Variants in VAT1L observed in about 807,000 individuals in gnomAD.
VAT1L encodes vesicle amine transport 1 like.
A neutral mutation model predicts 44.1 loss-of-function variants in VAT1L; 34 were observed. The observed-to-expected ratio is 0.77, with a 90% CI of 0.59 to 1.03. VAT1L has a LOEUF of 1.03. Among genes scored for constraint, VAT1L ranks in the 50% least tolerant of loss-of-function variants. VAT1L has a pLI of 0.00. For synonymous variants in VAT1L, 253 were observed against 202.2 expected (o/e 1.25, Z -2.13); for missense variants, 615 against 538.8 (o/e 1.14, Z -1.40).
At chr16:77,797,413 TTTTC>T (rs1348342029) in intron 1 of VAT1L, among the ~76,000 whole-genome samples, 2 of 152,024 alleles carry the variant, frequency 1.3e-5, no homozygotes, top group Non-Finnish European at 2.9e-5. Flanking sequence ...GCCCAGCAAT[TTTTC>T]TTTTTTTAGG....
rs189321376 is a variant in VAT1L, at chr16:77,876,762, T to G, written c.826+289T>G. On this transcript the variant is annotated intron_variant, in intron 5 of 8. Coordinates refer to ENST00000302536, the MANE Select transcript of VAT1L (RefSeq NM_020927.3). ...ACTAAGGGACATCACCCACAGAAGG[T>G]AGCACAGGTGGAAAATATGAATGAC... is the stretch of plus-strand genomic sequence containing the variant. Among the ~76,000 whole-genome samples, 189 of 152,202 alleles carry G rather than the reference T, an allele frequency of 1.2e-3. 1 individual carries two copies. Among genetic ancestry groups the G allele is most frequent in the African/African-American group, 4.4e-3 (181 of 41,534 alleles).
chr16:77,841,895 C>CTT (rs200350907), intron 3 of VAT1L, among the ~76,000 whole-genome samples: 24 of 148,510 alleles, frequency 1.6e-4, no homozygotes, highest in Non-Finnish European at 2.7e-4. Flanking sequence ...TTTTCTTTTT[C>CTT]TTTTTTTTTT....
rs12933147 is a variant in VAT1L at position 77,828,671 on chromosome 16, T to A, written c.579+3210T>A. Among the ~76,000 whole-genome samples the A allele has an allele frequency of 2.4e-3, 354 of 149,702 alleles. 2 individuals carry two copies. The highest frequency in any genetic ancestry group is 4.1e-3 in the Non-Finnish European group (274 of 67,328). ...AGAGCAAAACTCCATCTCAAAAAAA[T>A]AAAAAAATAAAAATAAAAAAGGTGG... On this transcript the variant is annotated intron_variant, in intron 3 of 8. Coordinates refer to ENST00000302536, the MANE Select transcript of VAT1L (RefSeq NM_020927.3).
At chr16:77,836,415 A>G (rs557588899) in intron 3 of VAT1L, among the ~76,000 whole-genome samples, 1 of 152,278 alleles carries the variant, frequency 6.6e-6, no homozygotes, top group African/African-American at 2.4e-5. Flanking sequence ...TGGCTTTATC[A>G]TGTCTTTCAT....
intron 7 of VAT1L, among the ~76,000 whole-genome samples, chr16:77,952,962 G>A (rs553651792): frequency 1.3e-5 from 2 of 151,156 alleles, no homozygotes; most frequent in South Asian, 2.1e-4. Flanking sequence ...ATTTGGAAAC[G>A]GGGTTGTTGC....
chr16:77,793,156 A>C (rs117764659), intron 1 of VAT1L, among the ~76,000 whole-genome samples: 8 of 152,256 alleles, frequency 5.3e-5, no homozygotes, highest in Non-Finnish European at 1.2e-4. Flanking sequence ...CTGTCACGCA[A>C]GGTGAAGTGC....
chr16:77,883,784 G>A (rs974370254), intron 6 of VAT1L, among the ~76,000 whole-genome samples: 4 of 151,972 alleles, frequency 2.6e-5, no homozygotes, highest in African/African-American at 7.3e-5. Flanking sequence ...CTCTTCATCC[G>A]ATGGATCCCT....
At chr16:77,951,325 C>A (rs549757434) in intron 7 of VAT1L, among the ~76,000 whole-genome samples, 2 of 152,280 alleles carry the variant, frequency 1.3e-5, no homozygotes, top group East Asian at 1.9e-4. Flanking sequence ...GCCGGCAGAC[C>A]ACTTGAGGTC....
chr16:77,977,676 G>A lies in VAT1L; in HGVS notation c.1241G>A (p.Arg414Gln), dbSNP rs145753827. ...DHEGDSENKE[R>Q]MPFIQ ...GAGGGAGACAGCGAGAACAAGGAGCGGATGCCCTTTATCCAGTAACTGAGG... is the reference window on the plus strand; with the variant it reads ...GAGGGAGACAGCGAGAACAAGGAGCAGATGCCCTTTATCCAGTAACTGAGG... Residue 414 changes from arginine (R) to glutamine (Q), a missense_variant, in exon 9 of 9, where the codon CGG becomes CAG. Physicochemically the swap from Arg to Gln is conservative, Grantham distance 43 (BLOSUM62 1). Transcript: ENST00000302536. 55 of 1,613,854 alleles carry A rather than the reference G, an allele frequency of 3.4e-5. No individual in the cohort carries two copies. Among genetic ancestry groups the A allele is most frequent in the East Asian group, 4.5e-5 (2 of 44,882 alleles).
intron 2 of VAT1L, among the ~76,000 whole-genome samples, chr16:77,820,481 T>C (rs1055078604): frequency 6.6e-6 from 1 of 152,118 alleles, no homozygotes; most frequent in Non-Finnish European, 1.5e-5. Flanking sequence ...TGTAGGGGTG[T>C]TTCCCATTGT....
chr16:77,802,834 C>T (rs941328362), intron 1 of VAT1L, among the ~76,000 whole-genome samples: 1 of 152,132 alleles, frequency 6.6e-6, no homozygotes, highest in African/African-American at 2.4e-5. Flanking sequence ...TCTTTATTCA[C>T]CCTTCATATC....
At chr16:77,836,781 C>T (rs921303573) in intron 3 of VAT1L, among the ~76,000 whole-genome samples, 1 of 152,128 alleles carries the variant, frequency 6.6e-6, no homozygotes, top group Non-Finnish European at 1.5e-5. Context: ...ATCTCCTTGA[C>T]CGTAAATCAT....
intron 3 of VAT1L, among the ~76,000 whole-genome samples, chr16:77,841,025 C>A (rs1023858507): frequency 1.8e-4 from 28 of 152,186 alleles, no homozygotes; most frequent in African/African-American, 6.8e-4. Flanking sequence ...AAGCAAGCTA[C>A]ATGGATTTAA....
intron 7 of VAT1L, among the ~76,000 whole-genome samples, chr16:77,951,366 T>G (rs58204605): frequency 0.086 from 13,145 of 152,116 alleles, 644 homozygotes; most frequent in African/African-American, 0.12. Context: ...GGCAATATGG[T>G]GAAACCTCGT....
intron 7 of VAT1L, among the ~76,000 whole-genome samples, chr16:77,919,685 A>G (rs953954399): frequency 6.6e-6 from 1 of 152,354 alleles, no homozygotes; most frequent in East Asian, 1.9e-4. Context: ...CGCTTTCTAA[A>G]TGCCCTTAGC....
chr16:77,890,188 G>A (rs1390073741), intron 7 of VAT1L, among the ~76,000 whole-genome samples: 1 of 152,004 alleles, frequency 6.6e-6, no homozygotes, highest in Non-Finnish European at 1.5e-5. Context: ...GGATGACACT[G>A]GAGTTACCAG....
chr16:77,802,444 G>A (rs1016172472), intron 1 of VAT1L, among the ~76,000 whole-genome samples: 18 of 152,102 alleles, frequency 1.2e-4, no homozygotes, highest in African/African-American at 3.9e-4. Flanking sequence ...GTAAAAGCCC[G>A]TCTCTACTAA....
At chr16:77,862,276 C>A (rs1287026905) in intron 3 of VAT1L, among the ~76,000 whole-genome samples, 2 of 152,174 alleles carry the variant, frequency 1.3e-5, no homozygotes, top group Non-Finnish European at 2.9e-5. Flanking sequence ...GGCTAAACAT[C>A]TGACAATGCA....
intron 4 of VAT1L, among the ~76,000 whole-genome samples, chr16:77,870,230 GC>G (rs371473395): frequency 6.6e-6 from 1 of 152,138 alleles, no homozygotes; most frequent in African/African-American, 2.4e-5. Context: ...TCTATAAGAA[GC>G]CTATCGCGTA....
Sources: gnomAD v4.1 joint callset for allele counts (sites outside exome capture counted in the v4.1 genomes callset) on GRCh38, gnomAD v4.1.1 for gene constraint, MANE v1.5 for transcripts, NCBI Gene and HGNC (gene_info 2026-07-23, HGNC 2026-07-21) for gene names.